ZNF461: variants seen among roughly 807,000 people sequenced by gnomAD.
The protein encoded by ZNF461 is gonadotropin-inducible ovarian transcription factor-1.
Under a neutral mutation model 18.3 loss-of-function variants are expected in ZNF461, and 16 were observed. That is an observed-to-expected ratio of 0.88 (90% confidence interval 0.59 to 1.33). The LOEUF is 1.33. ZNF461 is among the 40% of genes most tolerant of loss of function. The probability of loss-of-function intolerance (pLI) is 0.00; values close to 1 mark genes in which losing one functional copy is unlikely to be tolerated. For missense variants in ZNF461, 595 were observed against 669.9 expected, an observed-to-expected ratio of 0.89 and a Z score of 1.23; for synonymous variants, 179 against 216.9, an observed-to-expected ratio of 0.83 and a Z score of 1.54.
At chr19:36,665,316 TG>T (rs888624743) in intron 1 of ZNF461, among the ~76,000 whole-genome samples, 1 of 152,180 alleles carries the variant, frequency 6.6e-6, no homozygotes, top group African/African-American at 2.4e-5. Context: ...TGAAGTACAG[TG>T]CTGTAAGAAT....
chr19:36,653,996 T>G (rs1413099086), intron 4 of ZNF461, among the ~76,000 whole-genome samples: 1 of 152,176 alleles, frequency 6.6e-6, no homozygotes, highest in Non-Finnish European at 1.5e-5. Context: ...GAGTAAGTTC[T>G]ATGAATTGCA....
rs1045335282 is a variant in ZNF461 at position 36,646,099 on chromosome 19, G to T, written c.233-2237C>A. ...TGCCTGGCCAGATTTTGACTATTTT[G>T]TTGTTGTTGTTGTTGTTGTTATTGT... On this transcript the variant is annotated intron_variant, in intron 4 of 5. Transcript: ENST00000588268. Among the ~76,000 whole-genome samples the T allele has an allele frequency of 2.3e-4, 18 of 77,354 alleles. No homozygotes were observed. The East Asian group carries it at 5.9e-3, about 25-fold the overall frequency. 50.7% of individuals were successfully genotyped at this position (77,354 alleles called of 152,430 possible). A position where few individuals can be genotyped will look rare whatever the true frequency, so the allele number is the denominator to read the frequency against.
chr19:36,659,465 G>T (rs948674315), intron 2 of ZNF461, among the ~76,000 whole-genome samples: 5 of 152,150 alleles, frequency 3.3e-5, no homozygotes, highest in African/African-American at 1.2e-4. Context: ...AAGAGACAGG[G>T]TCTCACTATA....
Position 36,638,678 on chromosome 19 carries a change from G to T in ZNF461, c.1667C>A (p.Pro556His). 6.2e-7 allele frequency: 1 copy of T among 1,611,598 alleles called. No homozygotes were observed. The highest frequency in any genetic ancestry group is 8.5e-7 in the Non-Finnish European group (1 of 1,178,254). The stretch of plus-strand genomic sequence containing the variant: ...TCATGATGCTAGACTAGGATGGGGA[G>T]GGAGGAGAGGAAACCTGACTGGCTT... ...GEKPVRFPLL[P>H]PHPSLAS Residue 556 changes from proline (P) to histidine (H), a missense_variant, in exon 6 of 6, where the codon CCT becomes CAT. Transcript: ENST00000588268.
chr19:36,658,211 G>A (rs2037757181), intron 3 of ZNF461, 88 bp downstream of exon 3: 2 of 1,383,976 alleles, frequency 1.4e-6, no homozygotes, highest in Non-Finnish European at 2.0e-6. Context: ...TAAATTAATA[G>A]GGGGGAAAGC....
At chr19:36,662,871 A>C (rs2037841612) in intron 2 of ZNF461, among the ~76,000 whole-genome samples, 1 of 152,140 alleles carries the variant, frequency 6.6e-6, no homozygotes, top group Admixed American at 6.5e-5. Context: ...TCAGGATACC[A>C]AATTTAATAT....
Position 36,639,439 on chromosome 19 carries a change from T to C in ZNF461, c.906A>G (p.Glu302=), listed in dbSNP as rs1467308485. The C allele has an allele frequency of 1.2e-6, 2 of 1,613,882 alleles. No individual in the cohort carries two copies. Among genetic ancestry groups the C allele is most frequent in the Non-Finnish European group, 1.7e-6 (2 of 1,179,972 alleles). The change falls in exon 6 of 6, where the codon GAA becomes GAG. Residue 302 remains glutamate, a synonymous_variant. Transcript: ENST00000588268. ...TAAAGGCCTTCCCACATTCTTTACA[T>C]TCATAAGGTTTCTCACCAGTGTGAA... is the stretch of plus-strand genomic sequence containing the variant. The part of the protein sequence containing the change: ...QRIHTGEKPY[E]CKECGKAFRQ...
Position 36,637,689 on chromosome 19 carries a change from A to G in ZNF461, c.*964T>C. Reference sequence around the variant, plus strand: ...TCCAGCCTGGGTGTGTCTCAAAAAAAAAAAAAATGAAGTAGGCCAAATGTG... The same window carrying G: ...TCCAGCCTGGGTGTGTCTCAAAAAAGAAAAAAATGAAGTAGGCCAAATGTG... On this transcript the variant is annotated 3_prime_UTR_variant, in exon 6 of 6. Transcript: ENST00000588268. 1 of 272,956 alleles carries G rather than the reference A, an allele frequency of 3.7e-6. No homozygotes were observed. Among genetic ancestry groups the G allele is most frequent in the South Asian group, 3.2e-5 (1 of 31,172 alleles). The allele number at this position is 272,956 out of a possible 1,614,324, so 16.9% of individuals were successfully genotyped here.
intron 2 of ZNF461, among the ~76,000 whole-genome samples, chr19:36,658,814 A>G (rs2037769685): frequency 1.3e-5 from 2 of 152,242 alleles, no homozygotes; most frequent in African/African-American, 4.8e-5. Flanking sequence ...CTATCATGCC[A>G]TAGGCATTTT....
chr19:36,639,113 T>C lies in ZNF461; in HGVS notation c.1232A>G (p.Lys411Arg). The C allele has an allele frequency of 6.2e-7, 1 of 1,613,724 alleles. No homozygotes were observed. Among genetic ancestry groups the C allele is most frequent in the Non-Finnish European group, 8.5e-7 (1 of 1,179,974 alleles). The change falls in exon 6 of 6, where the codon AAA (lysine) becomes AGA (arginine). Residue 411 changes from lysine to arginine, a missense_variant. Coordinates refer to ENST00000588268, the MANE Select transcript of ZNF461 (RefSeq NM_153257.5). Reference protein sequence around the residue: ...SHHQKIHSGKKPYECHECGKA... With the variant: ...SHHQKIHSGKRPYECHECGKA... The stretch of plus-strand genomic sequence containing the variant: ...CCCACATTCATGACATTCATAAGGT[T>C]TCTTGCCAGAATGAATTTTCTGATG...
At chr19:36,653,945 T>A (rs900351525) in intron 4 of ZNF461, among the ~76,000 whole-genome samples, 7 of 152,218 alleles carry the variant, frequency 4.6e-5, no homozygotes, top group African/African-American at 1.7e-4. Context: ...GAGCTATAAA[T>A]ATACACACAG....
intron 4 of ZNF461, among the ~76,000 whole-genome samples, chr19:36,649,682 G>A (rs1464649523): frequency 6.6e-6 from 1 of 152,028 alleles, no homozygotes; most frequent in Admixed American, 6.6e-5. Flanking sequence ...AAAACTTCTA[G>A]GAGAGTAGAT....
At chr19:36,654,570 C>T (rs2037684392) in intron 4 of ZNF461, among the ~76,000 whole-genome samples, 1 of 151,926 alleles carries the variant, frequency 6.6e-6, no homozygotes, top group Admixed American at 6.6e-5. Context: ...CAGGGTCTCA[C>T]TATATTGCCC....
chr19:36,643,461 G>A (rs1223780820), intron 5 of ZNF461: 3 of 163,944 alleles, frequency 1.8e-5, no homozygotes, highest in African/African-American at 7.1e-5. Flanking sequence ...TTACTATATA[G>A]CAGCAGTACT....
intron 2 of ZNF461, among the ~76,000 whole-genome samples, chr19:36,659,425 G>A (rs2037779952): frequency 6.6e-6 from 1 of 152,086 alleles, no homozygotes; most frequent in African/African-American, 2.4e-5. Flanking sequence ...ATTTTTATTG[G>A]TAGCATAACA....
intron 2 of ZNF461, among the ~76,000 whole-genome samples, chr19:36,663,608 C>T (rs2037854439): frequency 6.7e-6 from 1 of 150,062 alleles, no homozygotes; most frequent in South Asian, 2.1e-4. Flanking sequence ...CAGCCGCAAA[C>T]TCCTGGGATA....
intron 4 of ZNF461, 32 bp downstream of exon 4, chr19:36,656,416 T>C: frequency 6.3e-7 from 1 of 1,582,534 alleles, no homozygotes. Context: ...TGGCCTGCTC[T>C]CTGCAAGAGC....
chr19:36,653,480 C>T (rs1334296697), intron 4 of ZNF461, among the ~76,000 whole-genome samples: 2 of 151,904 alleles, frequency 1.3e-5, no homozygotes, highest in Admixed American at 1.3e-4. Flanking sequence ...AAAGACATAC[C>T]CAGGACTGGG....
Position 36,638,335 on chromosome 19 carries a change from A to C in ZNF461, c.*318T>G, listed in dbSNP as rs1467864367. 9.2e-6 allele frequency: 2 copies of C among 217,452 alleles called. No homozygotes were observed. The highest frequency in any genetic ancestry group is 1.8e-5 in the Non-Finnish European group (2 of 109,562). The allele number at this position is 217,452 out of a possible 1,614,324, so 13.5% of individuals were successfully genotyped here. On this transcript the variant is annotated 3_prime_UTR_variant, in exon 6 of 6. Transcript: ENST00000588268. Reference sequence around the variant, plus strand: ...AAGAAATACACATACTGGTTATCTCAGAGATTTGAGGGAAGGGAGGAAATT... The same window carrying C: ...AAGAAATACACATACTGGTTATCTCCGAGATTTGAGGGAAGGGAGGAAATT...
Sources: gnomAD v4.1 joint callset for allele counts (sites outside exome capture counted in the v4.1 genomes callset) on GRCh38, gnomAD v4.1.1 for gene constraint, MANE v1.5 for transcripts, NCBI Gene and HGNC (gene_info 2026-07-23, HGNC 2026-07-21) for gene names.